PCDH15: variants seen among roughly 807,000 people sequenced by gnomAD.
The protein encoded by PCDH15 is protocadherin related 15.
In PCDH15, 129 loss-of-function variants were observed where a neutral mutation model predicts 178.5. That is an observed-to-expected ratio of 0.72 (90% CI 0.63 to 0.84). PCDH15 has a LOEUF of 0.84. PCDH15 is among the 40% of genes least tolerant of loss of function. PCDH15 has a pLI of 0.00. For missense variants in PCDH15, 2,230 were observed against 2,099.9 expected (o/e 1.06, Z -1.21); for synonymous variants, 800 against 732.0 (o/e 1.09, Z -1.50).
At chr10:54,845,096 C>T (rs1038516716) in intron 3 of PCDH15, among the ~76,000 whole-genome samples, 4 of 151,690 alleles carry the variant, frequency 2.6e-5, no homozygotes, top group Admixed American at 2.6e-4. Flanking sequence ...AGAATCAAAT[C>T]TTTTAGAAAA....
At chr10:54,541,976 G>A (rs528571186) in intron 2 of PCDH15, among the ~76,000 whole-genome samples, 23 of 152,172 alleles carry the variant, frequency 1.5e-4, no homozygotes, top group African/African-American at 5.1e-4. Context: ...ACAGTTATGT[G>A]TACTTAAGCT....
At chr10:54,503,225 A>ATG (rs35951831) in intron 3 of PCDH15, among the ~76,000 whole-genome samples, 1,781 of 83,754 alleles carry the variant, frequency 0.021, 15 homozygotes, top group African/African-American at 0.029. Context: ...ATACATATAT[A>ATG]TGTGTGTGTG....
At chr10:54,581,635 GA>G (rs2091048597) in intron 2 of PCDH15, among the ~76,000 whole-genome samples, 1 of 151,770 alleles carries the variant, frequency 6.6e-6, no homozygotes, top group African/African-American at 2.4e-5. Context: ...TAAACAAAAA[GA>G]AAAAAGCCAG....
chr10:55,310,923 AG>A (rs1219239639), intron 1 of PCDH15, among the ~76,000 whole-genome samples: 2 of 152,216 alleles, frequency 1.3e-5, no homozygotes, highest in Admixed American at 6.6e-5. Context: ...TACCTAATGT[AG>A]ATGACAGGTT....
rs573641356 is a variant in PCDH15, at chr10:55,287,613, C to T, written c.-156+31986G>A. ...TTTGAGCACTATGCTAGATGCTGCT[C>T]TCTCTCCAGGTCTAATGACAAGTAT... On this transcript the variant is annotated intron_variant, in intron 1 of 5. Transcript: ENST00000458638. Among the ~76,000 whole-genome samples, 6 of 152,122 alleles carry T rather than the reference C, an allele frequency of 3.9e-5. No individual in the cohort carries two copies. The South Asian group carries it at 1.0e-3, about 26-fold the overall frequency.
chr10:53,855,904 G>GTGTATATATATATATATATA (rs1554832765), intron 28 of PCDH15, among the ~76,000 whole-genome samples: 2 of 109,688 alleles, frequency 1.8e-5, no homozygotes, highest in African/African-American at 3.8e-5. Flanking sequence ...AAGGTGATAT[G>GTGTATATATATATATATATA]TATATATATA....
At chr10:55,103,626 G>A (rs1591905665) in intron 2 of PCDH15, among the ~76,000 whole-genome samples, 1 of 152,104 alleles carries the variant, frequency 6.6e-6, no homozygotes, top group Admixed American at 6.6e-5. Flanking sequence ...CTTCAATGGT[G>A]TAATCCTTCC....
At chr10:54,077,375 G>A (rs1265586862) in intron 17 of PCDH15, among the ~76,000 whole-genome samples, 3 of 152,144 alleles carry the variant, frequency 2.0e-5, no homozygotes, top group Non-Finnish European at 2.9e-5. Context: ...TTGGTTTTAA[G>A]TAGTCAAAAG....
intron 3 of PCDH15, among the ~76,000 whole-genome samples, chr10:54,855,796 G>T (rs1953730759): frequency 6.6e-6 from 1 of 152,142 alleles, no homozygotes; most frequent in African/African-American, 2.4e-5. Flanking sequence ...CTTTCCCTGT[G>T]TTCACTGAGT....
chr10:54,567,576 T>C (rs1386438629), intron 2 of PCDH15, among the ~76,000 whole-genome samples: 1 of 152,182 alleles, frequency 6.6e-6, no homozygotes, highest in Admixed American at 6.6e-5. Context: ...AATTAAGCTT[T>C]TCAAATGCAA....
chr10:53,900,909 G>A (rs1237735898), intron 26 of PCDH15, among the ~76,000 whole-genome samples: 3 of 152,020 alleles, frequency 2.0e-5, no homozygotes, highest in Non-Finnish European at 4.4e-5. Flanking sequence ...TTAACATTTG[G>A]CTTATCTTTT....
chr10:53,961,111 T>C (rs1564867148), intron 22 of PCDH15, among the ~76,000 whole-genome samples: 2 of 151,062 alleles, frequency 1.3e-5, no homozygotes, highest in Admixed American at 6.6e-5. Context: ...CCTAGATATA[T>C]GCAAAGATTA....
intron 14 of PCDH15, among the ~76,000 whole-genome samples, chr10:54,150,794 A>G (rs991506519): frequency 6.6e-6 from 1 of 152,094 alleles, no homozygotes; most frequent in African/African-American, 2.4e-5. Flanking sequence ...TTTATGAAGT[A>G]TTATGACAAC....
At chr10:54,052,550 C>T (rs983126374) in intron 18 of PCDH15, among the ~76,000 whole-genome samples, 6 of 152,172 alleles carry the variant, frequency 3.9e-5, no homozygotes, top group African/African-American at 1.2e-4. Flanking sequence ...CGCCTGTACC[C>T]TCATTGTATC....
chr10:54,519,696 G>A (rs2082636574), intron 3 of PCDH15, among the ~76,000 whole-genome samples: 2 of 152,088 alleles, frequency 1.3e-5, no homozygotes, highest in African/African-American at 2.4e-5. Flanking sequence ...TTTCTTCACA[G>A]AATTGGAAAA....
At chr10:55,391,647 C>T (rs761817358) in intron 2 of PCDH15, among the ~76,000 whole-genome samples, 17 of 151,832 alleles carry the variant, frequency 1.1e-4, no homozygotes, top group South Asian at 4.2e-4. Context: ...CCACCACACC[C>T]GCCTAATTTT....
intron 23 of PCDH15, among the ~76,000 whole-genome samples, chr10:53,957,866 G>T (rs1248238612): frequency 6.6e-6 from 1 of 152,094 alleles, no homozygotes; most frequent in Non-Finnish European, 1.5e-5. Context: ...GTACATGTGG[G>T]TGAGAATAAC....
intron 2 of PCDH15, among the ~76,000 whole-genome samples, chr10:55,410,471 T>G (rs1251469355): frequency 1.3e-5 from 2 of 152,146 alleles, no homozygotes; most frequent in Non-Finnish European, 2.9e-5. Flanking sequence ...AATAAATAGC[T>G]TTGTAAATTC....
At chr10:55,064,428 C>T (rs1255693240) in intron 2 of PCDH15, among the ~76,000 whole-genome samples, 2 of 152,054 alleles carry the variant, frequency 1.3e-5, no homozygotes, top group African/African-American at 2.4e-5. Flanking sequence ...GCCTGAAATC[C>T]CTTGCACGTG....
Sources: allele counts gnomAD v4.1 joint callset (sites outside exome capture counted in the v4.1 genomes callset), GRCh38; gene constraint gnomAD v4.1.1; transcripts MANE v1.5; gene names NCBI Gene and HGNC (gene_info 2026-07-23, HGNC 2026-07-21).